The following DCDC2C variants were observed in gnomAD, a reference collection of about 807,000 sequenced individuals.
DCDC2C encodes doublecortin domain containing 2C, also known as doublecortin domain-containing protein 2C.
In DCDC2C, 44 loss-of-function variants were observed where a neutral mutation model predicts 45.0. The ratio of observed to expected loss-of-function variants is 0.98; its 90% CI spans 0.77 to 1.26. The LOEUF is 1.26. Ranked by LOEUF, DCDC2C falls within the 50% of genes most tolerant of loss-of-function variation. DCDC2C has a pLI of 0.00. For missense variants in DCDC2C, 447 were observed against 468.9 expected (o/e 0.95, Z 0.43); for synonymous variants, 187 against 178.8 (o/e 1.05, Z -0.37).
Position 3,767,781 on chromosome 2 carries a change from A to G in DCDC2C, c.754A>G (p.Lys252Glu). 6.4e-7 allele frequency: 1 copy of G among 1,550,762 alleles called. No homozygotes were observed. The highest frequency in any genetic ancestry group is 8.7e-7 in the Non-Finnish European group (1 of 1,146,990). ...GGACTCCAAAGGAAAAGAACCTTGT[A>G]AATATGATGGCATACCCCCTAAAAC... ...KVDSKGKEPC[K>E]YDGIPPKTQD... Residue 252 changes from lysine to glutamate, a missense_variant, in exon 7 of 11, where the codon AAA becomes GAA. Coordinates refer to ENST00000399143, the MANE Select transcript of DCDC2C (RefSeq NM_001287444.2).
intron 10 of DCDC2C, among the ~76,000 whole-genome samples, chr2:3,820,478 T>G (rs1443715687): frequency 1.3e-5 from 2 of 151,960 alleles, no homozygotes; most frequent in African/African-American, 4.8e-5. Context: ...CGCAATCGAC[T>G]TGCCACCAAG....
chr2:3,758,992 T>C (rs1029067637), intron 6 of DCDC2C, among the ~76,000 whole-genome samples: 1 of 152,226 alleles, frequency 6.6e-6, no homozygotes, highest in Non-Finnish European at 1.5e-5. Context: ...GGGAGGGCTG[T>C]GTGGCCAGCA....
intron 3 of DCDC2C, among the ~76,000 whole-genome samples, chr2:3,739,032 T>C (rs536462253): frequency 3.3e-5 from 5 of 152,230 alleles, no homozygotes; most frequent in African/African-American, 1.2e-4. Context: ...ATTTTAGAGA[T>C]GTGTGAAATC....
intron 3 of DCDC2C, among the ~76,000 whole-genome samples, chr2:3,739,996 T>C (rs1436148400): frequency 2.6e-5 from 4 of 152,178 alleles, no homozygotes; most frequent in South Asian, 2.1e-4. Flanking sequence ...CACGCCCCCA[T>C]TGCACGCTCT....
At chr2:3,718,437 G>C (rs190207664) in intron 2 of DCDC2C, among the ~76,000 whole-genome samples, 1 of 152,288 alleles carries the variant, frequency 6.6e-6, no homozygotes, top group East Asian at 1.9e-4. Context: ...TTAGCAGGGA[G>C]TGCCTCTGTG....
intron 10 of DCDC2C, among the ~76,000 whole-genome samples, chr2:3,829,085 C>T (rs1449333257): frequency 2.0e-5 from 3 of 152,092 alleles, no homozygotes; most frequent in East Asian, 1.9e-4. Flanking sequence ...CCAGTGGCCC[C>T]GGCACAGGAA....
chr2:3,705,614 A>C (rs1232386820), intron 1 of DCDC2C, among the ~76,000 whole-genome samples: 6 of 152,224 alleles, frequency 3.9e-5, no homozygotes, highest in Non-Finnish European at 8.8e-5. Context: ...ATGAGGAAGG[A>C]AACGTATCAA....
In DCDC2C at chr2:3,761,676, A is replaced by G. The variant is rs1270043283; in HGVS notation, c.727-6078A>G. Among the ~76,000 whole-genome samples, 1 of 152,226 alleles carries G rather than the reference A, an allele frequency of 6.6e-6. No homozygotes were observed. Among genetic ancestry groups the G allele is most frequent in the Non-Finnish European group, 1.5e-5 (1 of 68,034 alleles). ...GTTCATTGGTAGAAGACCTTGACCC[A>G]CTTGGGATGGAAATGGGACATTCGC... On this transcript the variant is annotated intron_variant, in intron 6 of 10. Transcript: ENST00000399143. The surrounding 1 kb of genome is among the most constrained non-coding windows in gnomAD (Gnocchi z 4.3).
chr2:3,796,107 G>A (rs1440452981), intron 10 of DCDC2C, among the ~76,000 whole-genome samples: 14 of 107,062 alleles, frequency 1.3e-4, no homozygotes, highest in Non-Finnish European at 1.8e-4. Context: ...TGGATTCCTA[G>A]GTATTTTATT....
chr2:3,797,003 C>T (rs1485577144), intron 10 of DCDC2C, among the ~76,000 whole-genome samples: 2 of 152,134 alleles, frequency 1.3e-5, no homozygotes, highest in African/African-American at 2.4e-5. Flanking sequence ...TGGTCCTGGA[C>T]TCTTTTTGGT....
At chr2:3,776,621 C>T (rs555626735) in intron 8 of DCDC2C, among the ~76,000 whole-genome samples, 1 of 152,362 alleles carries the variant, frequency 6.6e-6, no homozygotes, top group Non-Finnish European at 1.5e-5. Flanking sequence ...CACTGGCCAT[C>T]AGATGCTGGC....
rs1019514707 is a variant in DCDC2C, at chr2:3,789,448, A to G, written c.1065+4348A>G. 9.2e-5 allele frequency among the ~76,000 whole-genome samples: 14 copies of G among 152,290 alleles called. No individual in the cohort carries two copies. The East Asian group carries it at 1.9e-3, about 21-fold the overall frequency. ...GATCTTTCACTCTTTTTCTAATGCCATGCCTCTAATTGTTCTGTGAGTCAC... is the reference window on the plus strand; with the variant it reads ...GATCTTTCACTCTTTTTCTAATGCCGTGCCTCTAATTGTTCTGTGAGTCAC... On this transcript the variant is annotated intron_variant, in intron 10 of 10. Transcript: ENST00000399143.
At chr2:3,800,024 C>T (rs181243957) in intron 10 of DCDC2C, among the ~76,000 whole-genome samples, 3,011 of 152,248 alleles carry the variant, frequency 0.02, 111 homozygotes, top group African/African-American at 0.069. Context: ...AGCAAGACTC[C>T]GTGGGTGTAG....
rs144464260 is a variant in DCDC2C, at chr2:3,838,094, C to T, written c.1066-9060C>T. Among the ~76,000 whole-genome samples the T allele has an allele frequency of 3.9e-5, 6 of 152,220 alleles. 1 individual carries two copies. The East Asian group carries it at 5.8e-4, about 15-fold the overall frequency. ...GAAATAACCTGGGGTTATGTCGTGG[C>T]ACTAAGGAGCCCTTGAAGGTGGTGA... On this transcript the variant is annotated intron_variant, in intron 10 of 10. Transcript: ENST00000399143.
At chr2:3,815,079 T>C (rs1671520529) in intron 10 of DCDC2C, among the ~76,000 whole-genome samples, 1 of 152,190 alleles carries the variant, frequency 6.6e-6, no homozygotes, top group Non-Finnish European at 1.5e-5. Flanking sequence ...GGGAGTTCAG[T>C]AGGCTTAAGC....
chr2:3,705,478 A>G (rs1045045052), intron 1 of DCDC2C, among the ~76,000 whole-genome samples: 4 of 152,226 alleles, frequency 2.6e-5, no homozygotes, highest in Non-Finnish European at 5.9e-5. Flanking sequence ...CTGATTTACA[A>G]TTAAAGAATA....
At chr2:3,759,062 C>T (rs1422996917) in intron 6 of DCDC2C, among the ~76,000 whole-genome samples, 2 of 152,164 alleles carry the variant, frequency 1.3e-5, no homozygotes, top group African/African-American at 2.4e-5. Context: ...GGATTGCCTT[C>T]GACTCTGCAG....
chr2:3,830,197 G>A (rs964553934), intron 10 of DCDC2C, among the ~76,000 whole-genome samples: 2 of 152,212 alleles, frequency 1.3e-5, no homozygotes, highest in Non-Finnish European at 2.9e-5. Flanking sequence ...ATATCAATCA[G>A]CTTACCTAAA....
At chr2:3,813,057 ATATATATATATTT>A (rs146312108) in intron 10 of DCDC2C, among the ~76,000 whole-genome samples, 3,089 of 100,186 alleles carry the variant, frequency 0.031, 144 homozygotes, top group African/African-American at 0.15. Flanking sequence ...ATATATATAT[ATATATATATATTT>A]TTTTTTTTTT....
Sources: allele counts gnomAD v4.1 joint callset (sites outside exome capture counted in the v4.1 genomes callset), GRCh38; gene constraint gnomAD v4.1.1; non-coding constraint Gnocchi (gnomAD v3.1); transcripts MANE v1.5; gene names NCBI Gene and HGNC (gene_info 2026-07-23, HGNC 2026-07-21).